The following CBL variants were observed in gnomAD, a reference collection of about 807,000 sequenced individuals.
The protein encoded by CBL is E3 ubiquitin-protein ligase CBL.
In CBL, 45 loss-of-function variants were observed where a neutral mutation model predicts 96.9. That is an observed-to-expected ratio of 0.46 (90% CI 0.37 to 0.60). The LOEUF is 0.60. CBL is among the 20% of genes least tolerant of loss of function. The probability of loss-of-function intolerance (pLI) is 0.00; values close to 1 mark genes in which losing one functional copy is unlikely to be tolerated. For missense variants in CBL, 1,024 were observed against 1,143.5 expected (o/e 0.90, Z 1.51); for synonymous variants, 420 against 426.8 (o/e 0.98, Z 0.20).
chr11:119,240,878 G>T (rs1398310806), intron 2 of CBL, among the ~76,000 whole-genome samples: 1 of 152,036 alleles, frequency 6.6e-6, no homozygotes, highest in African/African-American at 2.4e-5. Context: ...TTCAAGACCA[G>T]CCTGGCTAAC....
At chr11:119,222,145 A>G (rs1565856808) in intron 1 of CBL, among the ~76,000 whole-genome samples, 1 of 144,072 alleles carries the variant, frequency 6.9e-6, no homozygotes, top group Admixed American at 7.3e-5. Flanking sequence ...AAATGCTTGT[A>G]TCAATAAGTT....
rs547307186 is a variant in CBL, at chr11:119,305,498, T to G, written c.*5717T>G. 347 of 230,922 alleles carry G rather than the reference T, an allele frequency of 1.5e-3. 2 individuals carry two copies. In the Middle Eastern group the frequency reaches 0.017, roughly 11 times the overall value. 14.3% of individuals were successfully genotyped at this position (230,922 alleles called of 1,614,324 possible). A position where few individuals can be genotyped will look rare whatever the true frequency, so the allele number is the denominator to read the frequency against. ...TGGGCTTGTGGCCTGTCTCCTCCAC[T>G]CTCCTCCTCACCCTCTCGCTCCTTC... On this transcript the variant is annotated 3_prime_UTR_variant, in exon 16 of 16. Coordinates refer to ENST00000264033, the MANE Select transcript of CBL (RefSeq NM_005188.4).
rs1350471413 is a variant in CBL at position 119,300,515 on chromosome 11, G to C, written c.*734G>C. The C allele has an allele frequency of 5.0e-6, 2 of 399,904 alleles. No individual in the cohort carries two copies. The highest frequency in any genetic ancestry group is 4.4e-5 in the Admixed American group (1 of 22,880). The allele number at this position is 399,904 out of a possible 1,614,324, so 24.8% of individuals were successfully genotyped here. On this transcript the variant is annotated 3_prime_UTR_variant, in exon 16 of 16. Coordinates refer to ENST00000264033, the MANE Select transcript of CBL (RefSeq NM_005188.4). ...TTCTTTATTGTGTGTGATGGTATTG[G>C]TTTGTTTGGTAGATAAGTGGGAGGA... is the stretch of plus-strand genomic sequence containing the variant.
At chr11:119,237,720 T>C (rs541621387) in intron 2 of CBL, among the ~76,000 whole-genome samples, 1 of 152,318 alleles carries the variant, frequency 6.6e-6, no homozygotes, top group South Asian at 2.1e-4. Context: ...TTCTGGACTC[T>C]CAGTTTCATT....
At position 119,306,142 on chromosome 11, in the gene CBL, C is replaced by T. The variant is rs977176469; in HGVS notation, c.*6361C>T. On this transcript the variant is annotated 3_prime_UTR_variant, in exon 16 of 16. Coordinates refer to ENST00000264033, the MANE Select transcript of CBL (RefSeq NM_005188.4). ...AAATAGGGATGGGGAGAGCAAGCCC[C>T]GCATGTCCATGGCGAGTCAGGTGGG... 8.1e-5 allele frequency: 32 copies of T among 397,120 alleles called. No homozygotes were observed. Among genetic ancestry groups the T allele is most frequent in the Middle Eastern group, 6.2e-4 (1 of 1,610 alleles). The allele number at this position is 397,120 out of a possible 1,614,324, so 24.6% of individuals were successfully genotyped here.
chr11:119,207,835 G>C (rs1034738703), intron 1 of CBL, among the ~76,000 whole-genome samples: 2 of 152,226 alleles, frequency 1.3e-5, no homozygotes, highest in African/African-American at 4.8e-5. Flanking sequence ...CCTGGGCCTC[G>C]GTTCCTCTTC....
chr11:119,209,249 T>G (rs902091415), intron 1 of CBL, among the ~76,000 whole-genome samples: 5 of 152,240 alleles, frequency 3.3e-5, no homozygotes, highest in Admixed American at 1.3e-4. Context: ...TCACCACACC[T>G]TGACTTCATG....
chr11:119,233,905 T>C (rs928853874), intron 2 of CBL, among the ~76,000 whole-genome samples: 1 of 152,238 alleles, frequency 6.6e-6, no homozygotes, highest in Non-Finnish European at 1.5e-5. Context: ...TAAAATTTTA[T>C]GCACATGATT....
chr11:119,223,846 C>T (rs960880456), intron 1 of CBL, among the ~76,000 whole-genome samples: 4 of 152,096 alleles, frequency 2.6e-5, no homozygotes, highest in East Asian at 3.9e-4. Context: ...AGGCTGGTCT[C>T]GATCTCCTGA....
At chr11:119,252,973 ATAT>A (rs1012646210) in intron 2 of CBL, among the ~76,000 whole-genome samples, 4 of 152,052 alleles carry the variant, frequency 2.6e-5, no homozygotes, top group Admixed American at 1.3e-4. Flanking sequence ...AATGATTAAC[ATAT>A]TGTTGGTAGC....
chr11:119,221,547 C>T (rs369986100), intron 1 of CBL, among the ~76,000 whole-genome samples: 15 of 152,092 alleles, frequency 9.9e-5, no homozygotes, highest in East Asian at 9.7e-4. Context: ...GTGGATGGAT[C>T]GCGAGGTCAG....
At chr11:119,230,158 GT>G (rs879754907) in intron 1 of CBL, among the ~76,000 whole-genome samples, 20 of 143,276 alleles carry the variant, frequency 1.4e-4, no homozygotes, top group Admixed American at 1.4e-4. Flanking sequence ...TTTGTTTTTT[GT>G]TTTTTTTTTT....
intron 2 of CBL, among the ~76,000 whole-genome samples, chr11:119,246,556 A>G (rs1949633473): frequency 6.6e-6 from 1 of 152,072 alleles, no homozygotes; most frequent in South Asian, 2.1e-4. Context: ...GGTTCAAGCA[A>G]TTCTCCTGCC....
chr11:119,212,827 A>G (rs555400794), intron 1 of CBL, among the ~76,000 whole-genome samples: 9 of 151,924 alleles, frequency 5.9e-5, no homozygotes, highest in Non-Finnish European at 7.4e-5. Context: ...CCTGGCCAAC[A>G]TGGTGAAACC....
chr11:119,301,340 A>G lies in CBL; in HGVS notation c.*1559A>G, dbSNP rs939533236. The stretch of plus-strand genomic sequence containing the variant: ...GAGAACTATTAGTCAGTTCTTTTAT[A>G]TGCTGATAAATGATCCCTCGAGTTC... On this transcript the variant is annotated 3_prime_UTR_variant, in exon 16 of 16. Transcript: ENST00000264033. 7 of 233,146 alleles carry G rather than the reference A, an allele frequency of 3.0e-5. No homozygotes were observed. Among genetic ancestry groups the G allele is most frequent in the African/African-American group, 4.4e-5 (2 of 45,352 alleles). 14.4% of individuals were successfully genotyped at this position (233,146 alleles called of 1,614,324 possible). A position where few individuals can be genotyped will look rare whatever the true frequency, so the allele number is the denominator to read the frequency against.
In CBL at chr11:119,278,178, T is replaced by G; in HGVS notation, c.1108T>G (p.Leu370Val). 1 of 1,601,716 alleles carries G rather than the reference T, an allele frequency of 6.2e-7. No homozygotes were observed. Among genetic ancestry groups the G allele is most frequent in the Non-Finnish European group, 8.6e-7 (1 of 1,168,718 alleles). Residue 370 changes from leucine to valine, a missense_variant, in exon 8 of 16, where the codon TTA becomes GTA. By Grantham distance (32) the Leu-to-Val change is conservative. Transcript: ENST00000264033. ...TTTTTAATCAAAGGAACAATATGAA[T>G]TATACTGTGAGATGGGCTCCACATT... ...HIKVTQEQYELYCEMGSTFQL... is the reference protein window; with the variant it reads ...HIKVTQEQYEVYCEMGSTFQL...
At position 119,221,133 on chromosome 11, in the gene CBL, A is replaced by G. The variant is rs544322209; in HGVS notation, c.196-11315A>G. On this transcript the variant is annotated intron_variant, in intron 1 of 15. Transcript: ENST00000264033. ...GTAGTGCGCGCCTGTAGTCTCTGCT[A>G]CTTGGGAGACTGAGGCAGAGAATTG... Among the ~76,000 whole-genome samples, 264 of 152,064 alleles carry G rather than the reference A, an allele frequency of 1.7e-3. 1 individual carries two copies. Among genetic ancestry groups the G allele is most frequent in the African/African-American group, 6.1e-3 (252 of 41,470 alleles).
Position 119,306,308 on chromosome 11 carries a change from C to T in CBL, c.*6527C>T. On this transcript the variant is annotated 3_prime_UTR_variant, in exon 16 of 16. Transcript: ENST00000264033. Reference sequence around the variant, plus strand: ...TACAGAGCAAAGCCCAAAAGCCAACCTCAGATCTCCTGATTTGGCAGCTGA... The same window carrying T: ...TACAGAGCAAAGCCCAAAAGCCAACTTCAGATCTCCTGATTTGGCAGCTGA... The T allele has an allele frequency of 7.5e-6, 3 of 398,680 alleles. No individual in the cohort carries two copies. The highest frequency in any genetic ancestry group is 1.3e-5 in the Non-Finnish European group (3 of 226,100). The allele number at this position is 398,680 out of a possible 1,614,324, so 24.7% of individuals were successfully genotyped here. A position where few individuals can be genotyped will look rare whatever the true frequency, so the allele number is the denominator to read the frequency against.
chr11:119,248,747 G>C (rs1359557330), intron 2 of CBL, among the ~76,000 whole-genome samples: 1 of 152,158 alleles, frequency 6.6e-6, no homozygotes, highest in Non-Finnish European at 1.5e-5. Context: ...TATTTGATAA[G>C]GGATCAACAT....
Sources: gnomAD v4.1 joint callset for allele counts (sites outside exome capture counted in the v4.1 genomes callset) on GRCh38, gnomAD v4.1.1 for gene constraint, MANE v1.5 for transcripts, NCBI Gene and HGNC (gene_info 2026-07-23, HGNC 2026-07-21) for gene names.